The following NCEH1 variants were observed in gnomAD, a reference collection of about 807,000 sequenced individuals.
NCEH1 encodes 2-acetyl MAGE hydrolase.
NCEH1 carries 9 observed loss-of-function variants against 25.4 expected under a neutral mutation model. The ratio of observed to expected loss-of-function variants is 0.35; its 90% CI spans 0.21 to 0.62. The LOEUF is 0.62. Ranked by LOEUF, NCEH1 falls within the 20% of genes least tolerant of loss-of-function variation. The pLI is 0.72. For missense variants in NCEH1, 412 were observed against 501.1 expected (o/e 0.82, Z 1.70); for synonymous variants, 200 against 199.8 (o/e 1.00, Z -0.01).
intron 1 of NCEH1, among the ~76,000 whole-genome samples, chr3:172,683,515 A>G (rs569197236): frequency 5.3e-5 from 8 of 152,210 alleles, no homozygotes; most frequent in South Asian, 2.1e-4. Context: ...TACAAAAAAA[A>G]TAGAATAAAA....
intron 1 of NCEH1, among the ~76,000 whole-genome samples, chr3:172,696,205 C>G (rs768230698): frequency 6.6e-6 from 1 of 152,062 alleles, no homozygotes; most frequent in Non-Finnish European, 1.5e-5. Flanking sequence ...GAAACTAACA[C>G]AGATGTTAAA....
At chr3:172,681,215 C>CA (rs925924388) in intron 1 of NCEH1, 1 of 150,508 alleles carries the variant, frequency 6.6e-6, no homozygotes, top group Non-Finnish European at 1.5e-5. Flanking sequence ...CTGATGACAC[C>CA]AAAAAATAAG....
intron 1 of NCEH1, among the ~76,000 whole-genome samples, chr3:172,708,449 A>G (rs568747206): frequency 2.2e-4 from 34 of 152,238 alleles, no homozygotes; most frequent in African/African-American, 7.9e-4. Context: ...TCCGCCTCCC[A>G]GGTTCAAGCG....
intron 1 of NCEH1, among the ~76,000 whole-genome samples, chr3:172,659,161 A>C (rs1385756805): frequency 1.3e-5 from 2 of 152,102 alleles, no homozygotes; most frequent in African/African-American, 4.8e-5. Flanking sequence ...GAGTTTGGTC[A>C]GGGTGGTGGG....
intron 3 of NCEH1, among the ~76,000 whole-genome samples, chr3:172,642,771 G>A (rs538987845): frequency 6.6e-6 from 1 of 152,146 alleles, no homozygotes; most frequent in East Asian, 1.9e-4. Context: ...TATATCAATT[G>A]TCTAAAATGA....
intron 2 of NCEH1, 104 bp downstream of exon 2, chr3:172,647,782 G>T: frequency 6.8e-7 from 1 of 1,475,960 alleles, no homozygotes; most frequent in South Asian, 1.3e-5. Context: ...GGGGAACCTA[G>T]ATAAATGGTC....
chr3:172,693,872 A>G (rs1211373740), intron 1 of NCEH1, among the ~76,000 whole-genome samples: 1 of 152,298 alleles, frequency 6.6e-6, no homozygotes, highest in East Asian at 1.9e-4. Context: ...GTCCTTAACA[A>G]AAGTATAGTA....
intron 1 of NCEH1, among the ~76,000 whole-genome samples, chr3:172,689,967 G>A (rs1448509105): frequency 6.7e-6 from 1 of 148,344 alleles, no homozygotes; most frequent in Non-Finnish European, 1.5e-5. Context: ...GCAGTGGCAC[G>A]ATCTCGGCTC....
rs1168502612 is a variant in NCEH1, at chr3:172,631,481, A to G, written c.*1994T>C. 8 of 152,622 alleles carry G rather than the reference A, an allele frequency of 5.2e-5. No homozygotes were observed. Among genetic ancestry groups the G allele is most frequent in the South Asian group, 2.1e-4 (1 of 4,826 alleles). 9.5% of individuals were successfully genotyped at this position (152,622 alleles called of 1,614,324 possible). A position where few individuals can be genotyped will look rare whatever the true frequency, so the allele number is the denominator to read the frequency against. On this transcript the variant is annotated 3_prime_UTR_variant, in exon 5 of 5. Coordinates refer to ENST00000475381, the MANE Select transcript of NCEH1 (RefSeq NM_020792.6). ...AACCACCACATAAGGAGAGGCCAAT[A>G]TAATTTGCCAGTCTGACAAGACAGT...
intron 1 of NCEH1, among the ~76,000 whole-genome samples, chr3:172,668,348 ATTTTTTTTTTTTT>A (rs1200625132): frequency 1.3e-4 from 10 of 78,982 alleles, no homozygotes; most frequent in African/African-American, 2.6e-4. Context: ...AAAAGGAAGC[ATTTTTTTTTTTTT>A]TTTTTTTTTT....
intron 1 of NCEH1, among the ~76,000 whole-genome samples, chr3:172,661,828 C>T (rs1425702346): frequency 7.5e-6 from 1 of 132,684 alleles, no homozygotes; most frequent in Non-Finnish European, 1.8e-5. Flanking sequence ...ATTTTGTATC[C>T]TGAGACTTTG....
chr3:172,664,315 C>T (rs1174155691), intron 1 of NCEH1, among the ~76,000 whole-genome samples: 2 of 152,222 alleles, frequency 1.3e-5, no homozygotes, highest in African/African-American at 2.4e-5. Flanking sequence ...TGTAGAGTTT[C>T]TGCAGAGAGA....
At chr3:172,654,426 G>A (rs1256563855) in intron 1 of NCEH1, among the ~76,000 whole-genome samples, 1 of 152,228 alleles carries the variant, frequency 6.6e-6, no homozygotes, top group Non-Finnish European at 1.5e-5. Flanking sequence ...TGCTCCAGAA[G>A]ATCATTGCGT....
At chr3:172,655,735 G>C (rs566623198) in intron 1 of NCEH1, among the ~76,000 whole-genome samples, 1 of 152,342 alleles carries the variant, frequency 6.6e-6, no homozygotes, top group South Asian at 2.1e-4. Context: ...TCAAAGCACA[G>C]CGCTGAGCAC....
intron 1 of NCEH1, among the ~76,000 whole-genome samples, chr3:172,695,852 G>A (rs192653064): frequency 5.3e-5 from 8 of 152,176 alleles, no homozygotes; most frequent in Non-Finnish European, 7.4e-5. Context: ...GCTGAGGCAG[G>A]AGAATCGCTT....
At chr3:172,640,802 C>T (rs977482157) in intron 3 of NCEH1, among the ~76,000 whole-genome samples, 3 of 151,988 alleles carry the variant, frequency 2.0e-5, no homozygotes, top group Middle Eastern at 3.4e-3. Flanking sequence ...CCACTGCGCC[C>T]GGCCCCCTGT....
intron 1 of NCEH1, among the ~76,000 whole-genome samples, chr3:172,660,300 T>A (rs541218076): frequency 2.0e-5 from 3 of 152,284 alleles, no homozygotes; most frequent in Non-Finnish European, 4.4e-5. Flanking sequence ...ACAAAGGACA[T>A]GAACTCATCA....
At chr3:172,649,862 T>C (rs554791669) in intron 1 of NCEH1, among the ~76,000 whole-genome samples, 50 of 152,368 alleles carry the variant, frequency 3.3e-4, no homozygotes, top group Middle Eastern at 6.8e-3. Context: ...CTGGCTCTGT[T>C]ATATTATGAA....
intron 1 of NCEH1, among the ~76,000 whole-genome samples, chr3:172,676,433 T>C (rs1438786990): frequency 6.6e-6 from 1 of 152,156 alleles, no homozygotes; most frequent in East Asian, 1.9e-4. Flanking sequence ...GATCCGTATT[T>C]GCATATTAAA....
Sources: allele counts gnomAD v4.1 joint callset (sites outside exome capture counted in the v4.1 genomes callset), GRCh38; gene constraint gnomAD v4.1.1; transcripts MANE v1.5; gene names NCBI Gene and HGNC (gene_info 2026-07-23, HGNC 2026-07-21).